PPP2R5A: variants seen among roughly 807,000 people sequenced by gnomAD.
PPP2R5A encodes the protein serine/threonine-protein phosphatase 2A 56 kDa regulatory subunit alpha isoform.
Under a neutral mutation model 64.2 loss-of-function variants are expected in PPP2R5A, and 25 were observed. The observed-to-expected ratio is 0.39, with a 90% CI of 0.28 to 0.54. PPP2R5A has a LOEUF of 0.54. Among genes scored for constraint, PPP2R5A ranks in the 20% least tolerant of loss-of-function variants. The pLI is 0.67. For synonymous variants in PPP2R5A, 198 were observed against 201.2 expected (o/e 0.98, Z 0.13); for missense variants, 425 against 576.3 (o/e 0.74, Z 2.69).
intron 3 of PPP2R5A, among the ~76,000 whole-genome samples, chr1:212,340,204 C>T (rs1413416927): frequency 6.6e-6 from 1 of 152,038 alleles, no homozygotes; most frequent in Non-Finnish European, 1.5e-5. Context: ...CATCCTCTTC[C>T]TGAGGATCCA....
intron 4 of PPP2R5A, among the ~76,000 whole-genome samples, chr1:212,343,612 T>C (rs1659724357): frequency 6.6e-6 from 1 of 152,204 alleles, no homozygotes. Context: ...TCATAAACTA[T>C]AAAGAAATAT....
At chr1:212,304,050 C>A (rs1289342435) in intron 1 of PPP2R5A, among the ~76,000 whole-genome samples, 1 of 152,086 alleles carries the variant, frequency 6.6e-6, no homozygotes, top group Admixed American at 6.6e-5. Flanking sequence ...GATTTAAGAT[C>A]TTTTGTTCTT....
Position 212,297,093 on chromosome 1 carries a change from C to CCTCTT in PPP2R5A, c.181+10802_181+10803insCTCTT, listed in dbSNP as rs1558138694. Among the ~76,000 whole-genome samples, 7 of 81,916 alleles carry CCTCTT rather than the reference C, an allele frequency of 8.5e-5. 3 individuals carry two copies. Among genetic ancestry groups the CCTCTT allele is most frequent in the African/African-American group, 3.5e-4 (7 of 19,982 alleles). 53.7% of individuals were successfully genotyped at this position (81,916 alleles called of 152,430 possible). On this transcript the variant is annotated intron_variant, in intron 1 of 12. Transcript: ENST00000261461. ...ACGTTTCTTTTCTTTTTCTTTGCTTCTTCTTTTTTTTTTTTTTTTTTTTTT... is the reference window on the plus strand; with the variant it reads ...ACGTTTCTTTTCTTTTTCTTTGCTTCCTCTTTTCTTTTTTTTTTTTTTTTTTTTTT...
chr1:212,286,413 C>A, intron 1 of PPP2R5A, 122 bp downstream of exon 1: 1 of 1,116,482 alleles, frequency 9.0e-7, no homozygotes, highest in Non-Finnish European at 1.2e-6. Context: ...GTGTGTGAGC[C>A]GAGTTCCCCA....
intron 1 of PPP2R5A, chr1:212,297,758 T>A (rs1018467560): frequency 9.9e-5 from 15 of 152,256 alleles, no homozygotes; most frequent in African/African-American, 3.6e-4. Context: ...CAAAAAAATA[T>A]GAGAGCATTT....
intron 8 of PPP2R5A, among the ~76,000 whole-genome samples, chr1:212,350,357 C>T (rs1035730561): frequency 2.6e-5 from 4 of 152,146 alleles, no homozygotes; most frequent in Admixed American, 6.5e-5. Flanking sequence ...CCACATAAAC[C>T]TCTGAAGTTG....
intron 1 of PPP2R5A, among the ~76,000 whole-genome samples, chr1:212,308,048 A>G (rs983732134): frequency 2.0e-5 from 3 of 151,988 alleles, no homozygotes. Flanking sequence ...ACAGGTTCTC[A>G]ACTGTTGCCC....
At chr1:212,286,347 T>C in intron 1 of PPP2R5A, 56 bp downstream of exon 1, 1 of 1,395,818 alleles carries the variant, frequency 7.2e-7, no homozygotes, top group Non-Finnish European at 9.3e-7. Flanking sequence ...AACGCTTGCC[T>C]CTGCGCCAGC....
At chr1:212,286,348 C>G (rs1175785529) in intron 1 of PPP2R5A, 57 bp downstream of exon 1, 10 of 1,395,674 alleles carry the variant, frequency 7.2e-6, no homozygotes, top group Non-Finnish European at 9.3e-6. Context: ...ACGCTTGCCT[C>G]TGCGCCAGCA....
rs751228809 is a variant in PPP2R5A at position 212,316,587 on chromosome 1, C to CTTTTTTTTTTTTTTTTTT, written c.182-12539_182-12522dup. Among the ~76,000 whole-genome samples the CTTTTTTTTTTTTTTTTTT allele has an allele frequency of 1.9e-3, 70 of 36,684 alleles. 6 individuals are homozygous for CTTTTTTTTTTTTTTTTTT. The highest frequency in any genetic ancestry group is 2.6e-3 in the East Asian group (2 of 764). 24.1% of individuals were successfully genotyped at this position (36,684 alleles called of 152,430 possible). On this transcript the variant is annotated intron_variant, in intron 1 of 12. Transcript: ENST00000261461. ...ATGGATATTTAACCTTTGTGGGTGA[C>CTTTTTTTTTTTTTTTTTT]TTTTTTTTTTTTTTTTTTTTTTTTT...
At chr1:212,358,663 G>C in intron 11 of PPP2R5A, 23 bp from the exon 12 acceptor site, 4 of 1,558,342 alleles carry the variant, frequency 2.6e-6, no homozygotes, top group Non-Finnish European at 3.5e-6. Flanking sequence ...TCATAACTCA[G>C]GACTGGCTCA....
intron 1 of PPP2R5A, among the ~76,000 whole-genome samples, chr1:212,325,224 G>A (rs1290270859): frequency 1.3e-5 from 2 of 152,134 alleles, no homozygotes; most frequent in Non-Finnish European, 2.9e-5. Context: ...ACTCAAATAC[G>A]TAATTGAAGT....
chr1:212,287,767 T>A (rs935452118), intron 1 of PPP2R5A, among the ~76,000 whole-genome samples: 1 of 152,226 alleles, frequency 6.6e-6, no homozygotes. Context: ...TCATAGATTT[T>A]AAAATTTACA....
At chr1:212,333,150 C>G (rs553109546) in intron 2 of PPP2R5A, among the ~76,000 whole-genome samples, 6 of 152,128 alleles carry the variant, frequency 3.9e-5, no homozygotes, top group East Asian at 1.9e-4. Flanking sequence ...CAGTCTGCCC[C>G]CCTCGGCCTC....
intron 1 of PPP2R5A, chr1:212,309,650 CT>C (rs1658990738): frequency 6.0e-6 from 3 of 502,202 alleles, no homozygotes; most frequent in South Asian, 2.4e-5. Context: ...CTACAACCTT[CT>C]TTTTTTCTGG....
chr1:212,303,135 A>C (rs58379093), intron 1 of PPP2R5A, among the ~76,000 whole-genome samples: 3,464 of 152,266 alleles, frequency 0.023, 144 homozygotes, highest in African/African-American at 0.079. Flanking sequence ...TCATAAGGTA[A>C]TTCTGGGCTT....
At chr1:212,316,272 G>GAGCT (rs1038248847) in intron 1 of PPP2R5A, among the ~76,000 whole-genome samples, 2 of 152,162 alleles carry the variant, frequency 1.3e-5, no homozygotes, top group Non-Finnish European at 2.9e-5. Context: ...TGCAAAGGAA[G>GAGCT]AGCTCTTGAA....
intron 3 of PPP2R5A, chr1:212,333,862 A>G (rs1558150178): frequency 7.3e-6 from 2 of 274,218 alleles, no homozygotes; most frequent in South Asian, 1.4e-4. Flanking sequence ...ACAACCCATC[A>G]CCACTCTTTA....
At chr1:212,347,304 G>C (rs764909322) in intron 5 of PPP2R5A, 43 bp from the exon 6 acceptor site, 1 of 1,393,832 alleles carries the variant, frequency 7.2e-7, no homozygotes, top group South Asian at 1.2e-5. Flanking sequence ...TTAGTTTTCT[G>C]AAGTTTGATT....
Sources: gnomAD v4.1 joint callset for allele counts (sites outside exome capture counted in the v4.1 genomes callset) on GRCh38, gnomAD v4.1.1 for gene constraint, MANE v1.5 for transcripts, NCBI Gene and HGNC (gene_info 2026-07-23, HGNC 2026-07-21) for gene names.